ADAM18: variants seen among roughly 807,000 people sequenced by gnomAD.
The protein encoded by ADAM18 is ADAM metallopeptidase domain 18, also known as disintegrin and metalloproteinase domain-containing protein 18.
In ADAM18, 117 loss-of-function variants were observed where a neutral mutation model predicts 94.4. That is an observed-to-expected ratio of 1.24 (90% CI 1.07 to 1.45). The LOEUF (loss-of-function observed/expected upper bound fraction) is 1.45. Among genes scored for constraint, ADAM18 ranks in the 40% most tolerant of loss-of-function variants. ADAM18 has a pLI of 0.00. For synonymous variants in ADAM18, 327 were observed against 291.6 expected, an observed-to-expected ratio of 1.12 and a Z score of -1.24; for missense variants, 936 against 880.0, an observed-to-expected ratio of 1.06 and a Z score of -0.81.
intron 2 of ADAM18, among the ~76,000 whole-genome samples, chr8:39,602,457 A>T (rs922234789): frequency 3.3e-5 from 5 of 152,308 alleles, no homozygotes; most frequent in African/African-American, 1.2e-4. Context: ...TGAAAGTCAC[A>T]GTTCCACCCT....
At chr8:39,709,082 A>G (rs1189354875) in intron 18 of ADAM18, among the ~76,000 whole-genome samples, 1 of 152,088 alleles carries the variant, frequency 6.6e-6, no homozygotes, top group Non-Finnish European at 1.5e-5. Context: ...TTGCATCCGC[A>G]CTCATGGCTC....
chr8:39,593,980 C>A (rs572483651), intron 2 of ADAM18, among the ~76,000 whole-genome samples: 5 of 152,230 alleles, frequency 3.3e-5, no homozygotes, highest in African/African-American at 1.2e-4. Flanking sequence ...TTTGCCTATT[C>A]ATATCATTTA....
At chr8:39,630,180 G>A (rs1444861213) in intron 7 of ADAM18, among the ~76,000 whole-genome samples, 1 of 151,620 alleles carries the variant, frequency 6.6e-6, no homozygotes, top group African/African-American at 2.4e-5. Flanking sequence ...TTTCAGCATA[G>A]TTTTTGAATA....
chr8:39,637,665 T>G lies in ADAM18; in HGVS notation c.789T>G (p.Tyr263Ter), dbSNP rs1820121490. 4 of 1,612,066 alleles carry G rather than the reference T, an allele frequency of 2.5e-6. No individual in the cohort carries two copies. The highest frequency in any genetic ancestry group is 3.4e-6 in the Non-Finnish European group (4 of 1,178,944). Reference sequence around the variant, plus strand: ...GATTTTTGGCATGGAAACGGGACTATCTCATCCTACGGCCCCATGACATAG... The same window carrying G: ...GATTTTTGGCATGGAAACGGGACTAGCTCATCCTACGGCCCCATGACATAG... ...LQRFLAWKRDYLILRPHDIAY... is the reference protein window; with the variant it reads ...LQRFLAWKRD Residue 263 changes from tyrosine (Y) to a stop codon, truncating the protein, a stop_gained, in exon 9 of 20, where the codon TAT becomes TAG. Transcript: ENST00000265707. LOFTEE classifies it high-confidence loss of function.
intron 10 of ADAM18, among the ~76,000 whole-genome samples, chr8:39,640,833 G>A (rs1415768983): frequency 6.7e-6 from 1 of 150,196 alleles, no homozygotes; most frequent in Non-Finnish European, 1.5e-5. Flanking sequence ...TTTATGAGAA[G>A]TGTCTGTTCT....
intron 7 of ADAM18, among the ~76,000 whole-genome samples, chr8:39,631,867 T>C (rs1339435563): frequency 6.6e-6 from 1 of 151,994 alleles, no homozygotes; most frequent in East Asian, 1.9e-4. Flanking sequence ...TTCTATGGTG[T>C]TCTTGAACAT....
At chr8:39,712,258 A>G (rs900884208) in intron 18 of ADAM18, among the ~76,000 whole-genome samples, 6 of 152,106 alleles carry the variant, frequency 3.9e-5, no homozygotes, top group Admixed American at 1.3e-4. Context: ...CATGCTAAAA[A>G]CTCTCAATAA....
At chr8:39,672,466 G>A (rs764722579) in intron 14 of ADAM18, among the ~76,000 whole-genome samples, 2 of 152,180 alleles carry the variant, frequency 1.3e-5, no homozygotes, top group Admixed American at 1.3e-4. Context: ...AAGTGTCAGG[G>A]AGAGAGTTAA....
At chr8:39,598,920 T>A (rs1818821371) in intron 2 of ADAM18, among the ~76,000 whole-genome samples, 1 of 152,080 alleles carries the variant, frequency 6.6e-6, no homozygotes, top group Admixed American at 6.5e-5. Flanking sequence ...CAAGTGATTA[T>A]CCTGCCCCAG....
intron 5 of ADAM18, among the ~76,000 whole-genome samples, chr8:39,610,222 C>T (rs948148246): frequency 2.0e-5 from 3 of 152,018 alleles, no homozygotes; most frequent in Non-Finnish European, 4.4e-5. Context: ...AGAACAGGAA[C>T]GTTTTTCCTG....
In ADAM18 at chr8:39,648,426, CTTCAGAAGCT is replaced by C. The variant is rs1282265020; in HGVS notation, c.1134_1143del (p.Lys379IlefsTer44). On this transcript the variant is annotated frameshift_variant, in exon 12 of 20. Transcript: ENST00000265707. LOFTEE classifies it high-confidence loss of function. ...TGTTTCAAAATTTGAGACTAAATGC[CTTCAGAAGCT>C]TTCAAATTTGCAACCATTACATCAA... 1 of 1,612,736 alleles carries C rather than the reference CTTCAGAAGCT, an allele frequency of 6.2e-7. No homozygotes were observed. The highest frequency in any genetic ancestry group is 8.5e-7 in the Non-Finnish European group (1 of 1,179,392).
At chr8:39,647,831 T>G (rs1339968347) in intron 11 of ADAM18, among the ~76,000 whole-genome samples, 1 of 152,208 alleles carries the variant, frequency 6.6e-6, no homozygotes, top group African/African-American at 2.4e-5. Context: ...CAGCACATGT[T>G]TTTGTGAGCT....
At chr8:39,640,015 A>C (rs771055062) in intron 10 of ADAM18, among the ~76,000 whole-genome samples, 24 of 152,086 alleles carry the variant, frequency 1.6e-4, no homozygotes, top group Non-Finnish European at 3.1e-4. Context: ...ACAAAATTTT[A>C]ATTTTTTTAA....
intron 17 of ADAM18, among the ~76,000 whole-genome samples, chr8:39,700,288 G>A (rs1822028618): frequency 6.6e-6 from 1 of 152,110 alleles, no homozygotes; most frequent in Non-Finnish European, 1.5e-5. Flanking sequence ...ATTGTAAATG[G>A]ATGTACAGTA....
chr8:39,618,953 A>G (rs182935320), intron 6 of ADAM18, among the ~76,000 whole-genome samples: 1 of 152,308 alleles, frequency 6.6e-6, no homozygotes, highest in East Asian at 1.9e-4. Context: ...GGTGTTTACA[A>G]TAATCAGGAG....
At chr8:39,645,589 C>A in intron 11 of ADAM18, 115 bp downstream of exon 11, 1 of 1,008,624 alleles carries the variant, frequency 9.9e-7, no homozygotes, top group Non-Finnish European at 1.4e-6. Context: ...AAAGTTACAT[C>A]ATGCTTGTAA....
chr8:39,654,153 C>CTTTTTTTTTTTTTTTTTTTTTTT lies in ADAM18; in HGVS notation c.1230+5626_1230+5627insTTTTTTTTTTTTTTTTTTTTTTT. 1.7e-5 allele frequency among the ~76,000 whole-genome samples: 2 copies of CTTTTTTTTTTTTTTTTTTTTTTT among 118,770 alleles called. 1 individual carries two copies. Among genetic ancestry groups the CTTTTTTTTTTTTTTTTTTTTTTT allele is most frequent in the Non-Finnish European group, 3.6e-5 (2 of 56,282 alleles). 77.9% of individuals were successfully genotyped at this position (118,770 alleles called of 152,430 possible). On this transcript the variant is annotated intron_variant, in intron 12 of 19. Coordinates refer to ENST00000265707, the MANE Select transcript of ADAM18 (RefSeq NM_014237.3). ...TTGCTGCCACTGACAGGATTTCATT[C>CTTTTTTTTTTTTTTTTTTTTTTT]CTTTTTTTTTTTTTTTTTTTTGGAG...
Position 39,667,370 on chromosome 8 carries a change from C to A in ADAM18, c.1327-628C>A, listed in dbSNP as rs113911323. Among the ~76,000 whole-genome samples the A allele has an allele frequency of 4.0e-4, 60 of 149,238 alleles. 1 individual carries two copies. Among genetic ancestry groups the A allele is most frequent in the African/African-American group, 1.4e-3 (58 of 40,278 alleles). On this transcript the variant is annotated intron_variant, in intron 13 of 19. Coordinates refer to ENST00000265707, the MANE Select transcript of ADAM18 (RefSeq NM_014237.3). ...TGAACTGAGATCATGCCACTTCACT[C>A]CAGCCTGAGCAAAAGAGCAAAACTC... is the stretch of plus-strand genomic sequence containing the variant.
At chr8:39,712,811 C>G (rs896842817) in intron 18 of ADAM18, among the ~76,000 whole-genome samples, 8 of 152,154 alleles carry the variant, frequency 5.3e-5, no homozygotes, top group African/African-American at 1.9e-4. Flanking sequence ...AATGGAAGAA[C>G]AGTCCATGCT....
Sources: allele counts gnomAD v4.1 joint callset (sites outside exome capture counted in the v4.1 genomes callset), GRCh38; gene constraint gnomAD v4.1.1; transcripts MANE v1.5; gene names NCBI Gene and HGNC (gene_info 2026-07-23, HGNC 2026-07-21).